Variants in CYTH3 observed in about 807,000 individuals in gnomAD.
CYTH3 encodes cytohesin-3.
CYTH3 carries 23 observed loss-of-function variants against 55.1 expected under a neutral mutation model. The ratio of observed to expected loss-of-function variants is 0.42; its 90% confidence interval spans 0.30 to 0.59. The LOEUF (loss-of-function observed/expected upper bound fraction) is 0.59. Among genes scored for constraint, CYTH3 ranks in the 20% least tolerant of loss-of-function variants. CYTH3 has a pLI of 0.20. For missense variants in CYTH3, 413 were observed against 524.8 expected (o/e 0.79, Z 2.08); for synonymous variants, 249 against 194.9 (o/e 1.28, Z -2.31).
intron 1 of CYTH3, among the ~76,000 whole-genome samples, chr7:6,213,161 G>C (rs1784358521): frequency 6.6e-6 from 1 of 152,208 alleles, no homozygotes. Context: ...ACCGTGACTA[G>C]CACATAGTGG....
intron 1 of CYTH3, among the ~76,000 whole-genome samples, chr7:6,249,518 C>T (rs1562411000): frequency 6.6e-6 from 1 of 152,224 alleles, no homozygotes; most frequent in Admixed American, 6.5e-5. Context: ...ACAATTTCCA[C>T]GATCACCAAC....
Position 6,186,950 on chromosome 7 carries a change from A to C in CYTH3, c.249+100T>G, listed in dbSNP as rs1400576230. 6 of 1,200,374 alleles carry C rather than the reference A, an allele frequency of 5.0e-6. No homozygotes were observed. In the Admixed American group the frequency reaches 9.2e-5, roughly 18 times the overall value. 74.4% of individuals were successfully genotyped at this position (1,200,374 alleles called of 1,614,324 possible). A position where few individuals can be genotyped will look rare whatever the true frequency, so the allele number is the denominator to read the frequency against. ...TCAACTCCCAGTCTTTTATGAGGTGACAGGGCGGACCACCTCTGACCTCTG... is the reference window on the plus strand; with the variant it reads ...TCAACTCCCAGTCTTTTATGAGGTGCCAGGGCGGACCACCTCTGACCTCTG... On this transcript the variant is annotated intron_variant, in intron 4 of 12. Coordinates refer to ENST00000350796, the MANE Select transcript of CYTH3 (RefSeq NM_004227.4).
chr7:6,201,512 G>A (rs924488400), intron 1 of CYTH3, among the ~76,000 whole-genome samples: 3 of 152,136 alleles, frequency 2.0e-5, no homozygotes, highest in Non-Finnish European at 4.4e-5. Context: ...GTTGGCCACT[G>A]GTGCACCATT....
chr7:6,180,960 A>C (rs1486231255), intron 4 of CYTH3, among the ~76,000 whole-genome samples: 7 of 152,216 alleles, frequency 4.6e-5, no homozygotes, highest in African/African-American at 1.4e-4. Context: ...CTGACCCCTT[A>C]TTTGGTACTT....
intron 1 of CYTH3, among the ~76,000 whole-genome samples, chr7:6,207,373 C>G (rs376780482): frequency 2.4e-4 from 36 of 152,162 alleles, no homozygotes; most frequent in Admixed American, 2.1e-3. Flanking sequence ...GGACTACAGG[C>G]GTGAGCTGCC....
chr7:6,179,605 ACACAC>A (rs1783425681), intron 4 of CYTH3, among the ~76,000 whole-genome samples: 19 of 135,272 alleles, frequency 1.4e-4, no homozygotes, highest in African/African-American at 5.3e-4. Flanking sequence ...CACACACACC[ACACAC>A]CACACACACA....
At chr7:6,177,974 G>C (rs779227004) in intron 4 of CYTH3, 33 bp from the exon 5 acceptor site, 5 of 1,516,672 alleles carry the variant, frequency 3.3e-6, no homozygotes, top group Non-Finnish European at 4.6e-6. Flanking sequence ...CACTGGTTAG[G>C]AGTGTCACTC....
At chr7:6,225,899 T>C (rs533182991) in intron 1 of CYTH3, among the ~76,000 whole-genome samples, 2 of 152,138 alleles carry the variant, frequency 1.3e-5, no homozygotes, top group South Asian at 4.2e-4. Context: ...AGACTGGTCT[T>C]GAACTCCTGA....
intron 1 of CYTH3, among the ~76,000 whole-genome samples, chr7:6,215,006 A>AC (rs1467063964): frequency 6.6e-6 from 1 of 152,190 alleles, no homozygotes; most frequent in Admixed American, 6.5e-5. Context: ...AACAGAACCC[A>AC]CCTTACACAA....
chr7:6,254,060 T>A (rs1417363561), intron 1 of CYTH3, among the ~76,000 whole-genome samples: 2 of 151,902 alleles, frequency 1.3e-5, no homozygotes, highest in Non-Finnish European at 2.9e-5. Context: ...CAGGCACCTA[T>A]AATCCCAACT....
At chr7:6,193,876 C>T (rs558593793) in intron 1 of CYTH3, among the ~76,000 whole-genome samples, 1 of 152,272 alleles carries the variant, frequency 6.6e-6, no homozygotes, top group East Asian at 1.9e-4. Context: ...ACCAAGCCGC[C>T]TTCTCCACTG....
At chr7:6,179,622 ACC>A (rs1302502945) in intron 4 of CYTH3, among the ~76,000 whole-genome samples, 13 of 100,728 alleles carry the variant, frequency 1.3e-4, no homozygotes, top group African/African-American at 5.7e-4. Context: ...ACACACACAC[ACC>A]CCCCACATAC....
At chr7:6,264,857 T>C (rs1465721826) in intron 1 of CYTH3, among the ~76,000 whole-genome samples, 1 of 152,168 alleles carries the variant, frequency 6.6e-6, no homozygotes, top group Non-Finnish European at 1.5e-5. Flanking sequence ...AGAACTCACA[T>C]TGTAAGAGAA....
chr7:6,267,388 T>C (rs1780526396), intron 1 of CYTH3, among the ~76,000 whole-genome samples: 1 of 152,226 alleles, frequency 6.6e-6, no homozygotes, highest in Admixed American at 6.5e-5. Context: ...TACAAAAGAA[T>C]ATACTCTAAG....
At chr7:6,256,380 G>A (rs1780105863) in intron 1 of CYTH3, among the ~76,000 whole-genome samples, 3 of 152,224 alleles carry the variant, frequency 2.0e-5, no homozygotes, top group Admixed American at 6.5e-5. Flanking sequence ...TAGGATAGTG[G>A]ACTTCTCTCT....
At chr7:6,210,559 T>C (rs1294254423) in intron 1 of CYTH3, among the ~76,000 whole-genome samples, 1 of 152,230 alleles carries the variant, frequency 6.6e-6, no homozygotes, top group Non-Finnish European at 1.5e-5. Flanking sequence ...GTTGGGAAGA[T>C]AAAAACATTT....
At chr7:6,196,205 G>A (rs1375024335) in intron 1 of CYTH3, among the ~76,000 whole-genome samples, 3 of 152,170 alleles carry the variant, frequency 2.0e-5, no homozygotes, top group East Asian at 1.9e-4. Flanking sequence ...TACTGTGATC[G>A]GCTAAAGAGC....
intron 1 of CYTH3, among the ~76,000 whole-genome samples, chr7:6,211,864 T>C (rs1309762815): frequency 1.3e-5 from 2 of 151,970 alleles, no homozygotes. Context: ...CTTGCACTTG[T>C]CATCCCAGCT....
chr7:6,265,688 G>A (rs537855567), intron 1 of CYTH3, among the ~76,000 whole-genome samples: 2 of 151,998 alleles, frequency 1.3e-5, no homozygotes. Context: ...CATGGCCATG[G>A]TAAGGTGGTC....
Sources: gnomAD v4.1 joint callset for allele counts (sites outside exome capture counted in the v4.1 genomes callset) on GRCh38, gnomAD v4.1.1 for gene constraint, MANE v1.5 for transcripts, NCBI Gene and HGNC (gene_info 2026-07-23, HGNC 2026-07-21) for gene names.